The following SLC11A2 variants were observed in gnomAD, a reference collection of about 807,000 sequenced individuals.
SLC11A2 encodes natural resistance-associated macrophage protein 2.
Under a neutral mutation model 68.0 loss-of-function variants are expected in SLC11A2, and 38 were observed. That is an observed-to-expected ratio of 0.56 (90% CI 0.43 to 0.73). The LOEUF (loss-of-function observed/expected upper bound fraction) is 0.73. Ranked by LOEUF, SLC11A2 falls within the 30% of genes least tolerant of loss-of-function variation. SLC11A2 has a pLI of 0.00. For missense variants in SLC11A2, 517 were observed against 690.5 expected (o/e 0.75, Z 2.82); for synonymous variants, 242 against 250.6 (o/e 0.97, Z 0.32).
chr12:51,015,242 G>A lies in SLC11A2; in HGVS notation c.-38-4476C>T, dbSNP rs535158705. On this transcript the variant is annotated intron_variant, in intron 1 of 15. Transcript: ENST00000262052. ...TGTAATCCCAGCACTTTGGGAGGCT[G>A]AGGCAGGCGGATCACCTGAGGTCGG... is the stretch of plus-strand genomic sequence containing the variant. Among the ~76,000 whole-genome samples the A allele has an allele frequency of 1.4e-3, 208 of 150,938 alleles. 1 individual carries two copies. Among genetic ancestry groups the A allele is most frequent in the Non-Finnish European group, 2.3e-3 (157 of 67,912 alleles).
At chr12:50,997,662 A>G (rs1941826441) in intron 8 of SLC11A2, among the ~76,000 whole-genome samples, 1 of 107,158 alleles carries the variant, frequency 9.3e-6, no homozygotes, top group Non-Finnish European at 1.7e-5. Context: ...CATAGGCAAT[A>G]GTGTGAGACT....
intron 11 of SLC11A2, chr12:50,993,275 G>A (rs1941365136): frequency 3.6e-6 from 1 of 277,422 alleles, no homozygotes; most frequent in Admixed American, 4.8e-5. Flanking sequence ...AATGGCAATA[G>A]AAGTACAGGG....
the SLC11A2 span, among the ~76,000 whole-genome samples, chr12:50,957,843 C>A: frequency 6.6e-6 from 1 of 151,864 alleles, no homozygotes; most frequent in Non-Finnish European, 1.5e-5. Context: ...CGAGATCATG[C>A]CACTGCACTC....
chr12:51,010,853 A>G (rs1341808003), intron 1 of SLC11A2, 87 bp from the exon 2 acceptor site: 2 of 552,334 alleles, frequency 3.6e-6, no homozygotes, highest in Non-Finnish European at 6.5e-6. Context: ...GTATGACTGA[A>G]TCCTTACTAT....
chr12:50,977,392 G>T (rs1939861926), downstream of SLC11A2, among the ~76,000 whole-genome samples: 1 of 152,176 alleles, frequency 6.6e-6, no homozygotes, highest in African/African-American at 2.4e-5. Flanking sequence ...ACGAGAAATG[G>T]GGAAAGGATT....
chr12:50,986,957 C>T lies in SLC11A2; in HGVS notation c.*1368G>A, dbSNP rs1940634261. 7.8e-7 allele frequency: 1 copy of T among 1,287,194 alleles called. No individual in the cohort carries two copies. Among genetic ancestry groups the T allele is most frequent in the South Asian group, 1.2e-5 (1 of 80,936 alleles). The allele number at this position is 1,287,194 out of a possible 1,614,324, so 79.7% of individuals were successfully genotyped here. ...GCTCCAAAAATGAGAAGTCCTTCAA[C>T]ACCATTTTCCATTACTGTTCTCACC... On this transcript the variant is annotated 3_prime_UTR_variant, in exon 16 of 16. Coordinates refer to ENST00000262052, the MANE Select transcript of SLC11A2 (RefSeq NM_000617.3).
the SLC11A2 span, among the ~76,000 whole-genome samples, chr12:50,957,216 CT>C: frequency 4.9e-4 from 71 of 145,746 alleles, 1 homozygote; most frequent in Admixed American, 8.3e-4. Flanking sequence ...GCTTTTTTTT[CT>C]TTTTTTTTTT....
chr12:50,990,687 G>T, intron 15 of SLC11A2, 108 bp downstream of exon 15: 2 of 1,143,130 alleles, frequency 1.7e-6, no homozygotes, highest in Non-Finnish European at 2.6e-6. Flanking sequence ...TGGGATTATA[G>T]GCATGAGCCA....
intron 3 of SLC11A2, 151 bp downstream of exon 3, chr12:51,008,325 G>GTA (rs1197236033): frequency 8.1e-4 from 427 of 529,606 alleles, no homozygotes; most frequent in African/African-American, 1.4e-3. Flanking sequence ...GTGTGTGTGT[G>GTA]TATATATATA....
intron 14 of SLC11A2, 25 bp from the exon 15 acceptor site, chr12:50,990,973 C>T (rs1199269915): frequency 6.2e-7 from 1 of 1,612,032 alleles, no homozygotes; most frequent in Non-Finnish European, 8.5e-7. Flanking sequence ...AGCACAGTCA[C>T]TGATGGAATA....
rs1211517744 is a variant in SLC11A2 at position 50,986,340 on chromosome 12, A to G, written c.*1985T>C. ...TGGTTAAAATGCACTTTCTGTGAAG[A>G]TCAAATGCAATAACGTATGAGGGTA... On this transcript the variant is annotated 3_prime_UTR_variant, in exon 16 of 16. Transcript: ENST00000262052. The G allele has an allele frequency of 7.8e-6, 10 of 1,284,390 alleles. No homozygotes were observed. Among genetic ancestry groups the G allele is most frequent in the Non-Finnish European group, 1.0e-5 (10 of 986,040 alleles). 79.6% of individuals were successfully genotyped at this position (1,284,390 alleles called of 1,614,324 possible).
At chr12:50,963,369 C>CAAA in the SLC11A2 span, among the ~76,000 whole-genome samples, 11 of 72,388 alleles carry the variant, frequency 1.5e-4, no homozygotes, top group Non-Finnish European at 1.9e-4. Context: ...GACTCCATCT[C>CAAA]AAAAAAAAAA....
At chr12:50,953,803 C>A in the SLC11A2 span, 1 of 519,812 alleles carries the variant, frequency 1.9e-6, no homozygotes, top group African/African-American at 1.9e-5. Context: ...TTCTTATCCC[C>A]TTCCCCTGCA....
At chr12:50,968,343 C>A in the SLC11A2 span, among the ~76,000 whole-genome samples, 1 of 152,096 alleles carries the variant, frequency 6.6e-6, no homozygotes, top group African/African-American at 2.4e-5. Context: ...GACTTACTGC[C>A]TCCCAACTTA....
chr12:51,009,238 C>G, intron 2 of SLC11A2: 1 of 1,380,456 alleles, frequency 7.2e-7, no homozygotes, highest in Non-Finnish European at 9.3e-7. Context: ...AAGCAGGAAC[C>G]CTTTGTACTC....
the SLC11A2 span, among the ~76,000 whole-genome samples, chr12:50,961,537 T>C: frequency 1.3e-5 from 2 of 152,198 alleles, no homozygotes; most frequent in Admixed American, 6.5e-5. Flanking sequence ...ACAAATCTCA[T>C]CTGCCTTCTT....
downstream of SLC11A2, among the ~76,000 whole-genome samples, chr12:50,978,000 A>G (rs1939872104): frequency 6.6e-6 from 1 of 152,204 alleles, no homozygotes; most frequent in East Asian, 1.9e-4. Flanking sequence ...AACAACAGGT[A>G]CTAGAGAGGA....
downstream of SLC11A2, chr12:50,981,286 C>G (rs1940008124): frequency 6.5e-6 from 1 of 152,734 alleles, no homozygotes; most frequent in African/African-American, 2.4e-5. Context: ...GAGCATTGTT[C>G]TCTTTTCTTT....
chr12:51,023,716 C>G (rs941861600), intron 1 of SLC11A2, among the ~76,000 whole-genome samples: 1 of 152,188 alleles, frequency 6.6e-6, no homozygotes, highest in Non-Finnish European at 1.5e-5. Context: ...TTCACTCTTA[C>G]CAGGCCAACT....
Sources: gnomAD v4.1 joint callset for allele counts (sites outside exome capture counted in the v4.1 genomes callset) on GRCh38, gnomAD v4.1.1 for gene constraint, MANE v1.5 for transcripts, NCBI Gene and HGNC (gene_info 2026-07-23, HGNC 2026-07-21) for gene names.